Variants in C6 observed in about 807,000 individuals in gnomAD.
C6 encodes complement C6.
Under a neutral mutation model 112.9 loss-of-function variants are expected in C6, and 101 were observed. The ratio of observed to expected loss-of-function variants is 0.89; its 90% CI spans 0.76 to 1.06. C6 has a LOEUF of 1.06. Among genes scored for constraint, C6 ranks in the 50% least tolerant of loss-of-function variants. The pLI is 0.00. For synonymous variants in C6, 431 were observed against 384.1 expected (o/e 1.12, Z -1.43); for missense variants, 1,202 against 1,104.6 (o/e 1.09, Z -1.25).
intron 10 of C6, 121 bp from the exon 11 acceptor site, chr5:41,160,488 T>A: frequency 1.3e-6 from 1 of 774,000 alleles, no homozygotes; most frequent in Non-Finnish European, 2.3e-6. Context: ...AAAGGGATTA[T>A]TGCAGAATAT....
chr5:41,175,044 C>CTTTT (rs1441138069), intron 8 of C6, among the ~76,000 whole-genome samples: 1 of 152,116 alleles, frequency 6.6e-6, no homozygotes, highest in Non-Finnish European at 1.5e-5. Flanking sequence ...TTACTGAGAG[C>CTTTT]TTGTTTGGAG....
Position 41,208,647 on chromosome 5 carries a change from T to C in C6, c.-21+4729A>G, listed in dbSNP as rs532788176. Among the ~76,000 whole-genome samples, 50 of 152,208 alleles carry C rather than the reference T, an allele frequency of 3.3e-4. No homozygotes were observed. In the South Asian group the frequency reaches 9.1e-3, roughly 28 times the overall value. On this transcript the variant is annotated intron_variant, in intron 1 of 17. Coordinates refer to ENST00000337836, the MANE Select transcript of C6 (RefSeq NM_000065.5). ...AGAAATGGATAAATTCCTGAACACA[T>C]ACAACCTCTCAAGACAAAACCAGGA...
Position 41,248,097 on chromosome 5 carries a change from T to C in C6, c.-21+13097A>G, listed in dbSNP as rs929282920. Among the ~76,000 whole-genome samples, 7 of 152,346 alleles carry C rather than the reference T, an allele frequency of 4.6e-5. No individual in the cohort carries two copies. The East Asian group carries it at 1.2e-3, about 25-fold the overall frequency. On this transcript the variant is annotated intron_variant, in intron 1 of 17. Coordinates refer to the C6 transcript ENST00000263413. ...GAAGGACTCCCTATTCAATAAATGA[T>C]GCTGAGATAGCTGGCTAGCACATGC...
At chr5:41,204,794 T>C (rs920949160) in intron 1 of C6, among the ~76,000 whole-genome samples, 2 of 151,228 alleles carry the variant, frequency 1.3e-5, no homozygotes, top group Admixed American at 6.6e-5. Flanking sequence ...CTCAGCCTCC[T>C]GAGGAGGTGG....
intron 2 of C6, among the ~76,000 whole-genome samples, chr5:41,202,545 A>G (rs576064885): frequency 7.2e-4 from 109 of 152,346 alleles, no homozygotes; most frequent in African/African-American, 1.2e-3. Flanking sequence ...CTCCCCTAAC[A>G]TGTGAGCATT....
chr5:41,207,746 C>T (rs1362088214), intron 1 of C6, among the ~76,000 whole-genome samples: 1 of 152,174 alleles, frequency 6.6e-6, no homozygotes, highest in Non-Finnish European at 1.5e-5. Flanking sequence ...TAGAGATCTA[C>T]AAAGAGACTT....
At chr5:41,208,312 T>G (rs1751603983) in intron 1 of C6, among the ~76,000 whole-genome samples, 1 of 152,010 alleles carries the variant, frequency 6.6e-6, no homozygotes, top group South Asian at 2.1e-4. Flanking sequence ...TTAAAAGACC[T>G]AGAGAAGCAA....
At chr5:41,233,553 A>G (rs1410740352) in intron 1 of C6, among the ~76,000 whole-genome samples, 1 of 152,098 alleles carries the variant, frequency 6.6e-6, no homozygotes, top group Non-Finnish European at 1.5e-5. Flanking sequence ...ATAAAGCTAA[A>G]ACGAGATGCA....
At chr5:41,253,646 T>A (rs1320730402) in intron 1 of C6, among the ~76,000 whole-genome samples, 1 of 152,162 alleles carries the variant, frequency 6.6e-6, no homozygotes, top group Non-Finnish European at 1.5e-5. Context: ...AAAACCATTG[T>A]TTTATTTAGC....
intron 1 of C6, among the ~76,000 whole-genome samples, chr5:41,234,566 A>G (rs76443257): frequency 3.6e-4 from 55 of 152,194 alleles, no homozygotes; most frequent in African/African-American, 1.2e-3. Context: ...AAGCTGGACA[A>G]AAGTGGAAAT....
At position 41,172,305 on chromosome 5, in the gene C6, G is replaced by A. The variant is rs1465023154; in HGVS notation, c.1211C>T (p.Thr404Ile). ...EEAKHCVRIE[T>I]KKRVLFAKKT... is the part of the protein sequence containing the mutation. ...CTTAGCAAATAAAACGCGTTTCTTT[G>A]TTTCAATCCTGACACAGTGTTTGGC... The change falls in exon 9 of 18, where the codon ACA becomes ATA. Residue 404 changes from threonine (T) to isoleucine (I), a missense_variant. Physicochemically the swap from Thr to Ile is moderately conservative, Grantham distance 89. Coordinates refer to ENST00000337836, the MANE Select transcript of C6 (RefSeq NM_000065.5). 1.2e-6 allele frequency: 2 copies of A among 1,613,590 alleles called. No individual in the cohort carries two copies. The highest frequency in any genetic ancestry group is 1.7e-6 in the Non-Finnish European group (2 of 1,179,710).
At chr5:41,220,527 A>G (rs1432864244) in intron 1 of C6, among the ~76,000 whole-genome samples, 1 of 152,162 alleles carries the variant, frequency 6.6e-6, no homozygotes, top group Non-Finnish European at 1.5e-5. Context: ...AGGCGTTTAT[A>G]TAAATCAGAT....
At chr5:41,218,775 G>T (rs114235819) in intron 1 of C6, among the ~76,000 whole-genome samples, 1 of 152,106 alleles carries the variant, frequency 6.6e-6, no homozygotes, top group Non-Finnish European at 1.5e-5. Flanking sequence ...TGCTTAAGCC[G>T]CATGCAGGGA....
At chr5:41,187,167 T>G (rs561118828) in intron 5 of C6, among the ~76,000 whole-genome samples, 1 of 152,118 alleles carries the variant, frequency 6.6e-6, no homozygotes, top group South Asian at 2.1e-4. Flanking sequence ...CACTGGAAAA[T>G]TCCATGTAGC....
At chr5:41,224,903 C>T (rs1038965203) in intron 1 of C6, among the ~76,000 whole-genome samples, 3 of 152,102 alleles carry the variant, frequency 2.0e-5, no homozygotes, top group Non-Finnish European at 2.9e-5. Flanking sequence ...TGCATCCTTG[C>T]CAACACTTGT....
chr5:41,193,972 C>T lies in C6; in HGVS notation c.587+1820G>A, dbSNP rs1750418092. Among the ~76,000 whole-genome samples, 3 of 152,180 alleles carry T rather than the reference C, an allele frequency of 2.0e-5. No individual in the cohort carries two copies. The South Asian group carries it at 6.2e-4, about 32-fold the overall frequency. ...GAGCCGGCAGGCTTTGCTCATTTCT[C>T]AGAATCACTGGGACAACAGCTCTGG... On this transcript the variant is annotated intron_variant, in intron 5 of 17. Transcript: ENST00000337836.
At chr5:41,211,978 A>C (rs73753134) in intron 1 of C6, among the ~76,000 whole-genome samples, 3,688 of 152,218 alleles carry the variant, frequency 0.024, 163 homozygotes, top group African/African-American at 0.084. Flanking sequence ...AACCCTTATA[A>C]AATATTCTGA....
At chr5:41,230,188 T>C (rs1739802378) in intron 1 of C6, among the ~76,000 whole-genome samples, 1 of 152,072 alleles carries the variant, frequency 6.6e-6, no homozygotes, top group Non-Finnish European at 1.5e-5. Context: ...GTTTGAACAA[T>C]ATGAAATCAG....
At chr5:41,218,155 A>G (rs1260387603), upstream of C6, among the ~76,000 whole-genome samples, 2 of 152,062 alleles carry the variant, frequency 1.3e-5, no homozygotes, top group East Asian at 3.9e-4. Context: ...TTCACCTCAT[A>G]GTAATAGTAG....
Sources: allele counts gnomAD v4.1 joint callset (sites outside exome capture counted in the v4.1 genomes callset), GRCh38; gene constraint gnomAD v4.1.1; transcripts MANE v1.5; gene names NCBI Gene and HGNC (gene_info 2026-07-23, HGNC 2026-07-21).